Variants in PTPRT observed in about 807,000 individuals in gnomAD.
PTPRT encodes protein tyrosine phosphatase receptor type T.
In PTPRT, 56 loss-of-function variants were observed where a neutral mutation model predicts 176.8. The ratio of observed to expected loss-of-function variants is 0.32; its 90% confidence interval spans 0.26 to 0.40. PTPRT has a LOEUF of 0.40. Among genes scored for constraint, PTPRT ranks in the 10% least tolerant of loss-of-function variants. The probability of loss-of-function intolerance (pLI) is 1.00; values close to 1 mark genes in which losing one functional copy is unlikely to be tolerated. For missense variants in PTPRT, 1,540 were observed against 1,908.2 expected (o/e 0.81, Z 3.60); for synonymous variants, 783 against 739.0 (o/e 1.06, Z -0.96).
At chr20:42,796,933 A>G (rs1446474210) in intron 2 of PTPRT, among the ~76,000 whole-genome samples, 2 of 152,172 alleles carry the variant, frequency 1.3e-5, no homozygotes, top group South Asian at 2.1e-4. Flanking sequence ...TGGTTATAAA[A>G]CACATCTCAT....
chr20:42,141,852 A>G, intron 18 of PTPRT, 63 bp downstream of exon 18: 3 of 1,402,114 alleles, frequency 2.1e-6, no homozygotes, highest in Non-Finnish European at 3.0e-6. Context: ...AATAATAGTA[A>G]TAGCCTCTTT....
At chr20:43,163,585 C>T (rs2014768392) in intron 1 of PTPRT, among the ~76,000 whole-genome samples, 1 of 151,956 alleles carries the variant, frequency 6.6e-6, no homozygotes, top group South Asian at 2.1e-4. Context: ...TTGCAGTGAG[C>T]CGAGATCATG....
chr20:42,751,088 GGATCACAC>G (rs1430278643), intron 6 of PTPRT, among the ~76,000 whole-genome samples: 1 of 152,238 alleles, frequency 6.6e-6, no homozygotes, highest in East Asian at 1.9e-4. Flanking sequence ...TACCATCTCA[GGATCACAC>G]GTGAGCTGTG....
At chr20:42,939,719 GA>G (rs896242493) in intron 1 of PTPRT, among the ~76,000 whole-genome samples, 48 of 151,694 alleles carry the variant, frequency 3.2e-4, no homozygotes, top group Admixed American at 3.3e-4. Flanking sequence ...ATTTTAGTAA[GA>G]AAAAAAGACA....
chr20:42,255,516 G>T (rs1439619589), intron 13 of PTPRT, among the ~76,000 whole-genome samples: 2 of 152,118 alleles, frequency 1.3e-5, no homozygotes, highest in Admixed American at 1.3e-4. Context: ...AAGTTCATCC[G>T]ATCCTCAGGA....
intron 15 of PTPRT, among the ~76,000 whole-genome samples, chr20:42,217,581 C>T (rs1372458932): frequency 6.6e-6 from 1 of 152,144 alleles, no homozygotes; most frequent in Non-Finnish European, 1.5e-5. Context: ...ACTGGAAACA[C>T]AGCTTCCTCT....
chr20:42,918,807 C>T (rs532021418), intron 1 of PTPRT, among the ~76,000 whole-genome samples: 30 of 152,162 alleles, frequency 2.0e-4, no homozygotes, highest in Admixed American at 1.8e-3. Flanking sequence ...GTACTAGCTT[C>T]GAGTTTTGTG....
intron 13 of PTPRT, among the ~76,000 whole-genome samples, chr20:42,254,420 C>G (rs1439553107): frequency 1.3e-5 from 2 of 152,196 alleles, no homozygotes; most frequent in Non-Finnish European, 2.9e-5. Context: ...GATTGAGGTA[C>G]ACATTGATTG....
chr20:42,681,507 GA>G (rs1372016987), intron 6 of PTPRT, among the ~76,000 whole-genome samples: 5 of 152,174 alleles, frequency 3.3e-5, no homozygotes, highest in African/African-American at 1.2e-4. Context: ...TATGAACAAA[GA>G]AAAATTCCTG....
chr20:42,297,420 A>ATCTC (rs2057403251), intron 12 of PTPRT, among the ~76,000 whole-genome samples: 1 of 152,222 alleles, frequency 6.6e-6, no homozygotes, highest in African/African-American at 2.4e-5. Context: ...GACATCCCTT[A>ATCTC]TCTCAGGTAA....
intron 1 of PTPRT, among the ~76,000 whole-genome samples, chr20:43,036,100 G>T (rs1986367110): frequency 6.6e-6 from 1 of 152,202 alleles, no homozygotes; most frequent in Non-Finnish European, 1.5e-5. Flanking sequence ...CTTCTTGAAT[G>T]CTTCCTTCAG....
intron 9 of PTPRT, among the ~76,000 whole-genome samples, chr20:42,424,421 G>GAGAACACC (rs2059145658): frequency 6.6e-6 from 1 of 152,182 alleles, no homozygotes; most frequent in Non-Finnish European, 1.5e-5. Flanking sequence ...GCCTTGGGCA[G>GAGAACACC]AGAACACCAG....
At chr20:42,688,209 A>G (rs1290224508) in intron 6 of PTPRT, 1 of 152,270 alleles carries the variant, frequency 6.6e-6, no homozygotes, top group African/African-American at 2.4e-5. Context: ...TCCTTGTAGC[A>G]TCATTCCAGC....
intron 6 of PTPRT, among the ~76,000 whole-genome samples, chr20:42,739,899 G>C (rs931915733): frequency 6.6e-6 from 1 of 152,112 alleles, no homozygotes; most frequent in African/African-American, 2.4e-5. Flanking sequence ...GTCCTATTTT[G>C]GTATGCCCAG....
intron 3 of PTPRT, 49 bp downstream of exon 3, chr20:42,791,146 T>G: frequency 6.5e-7 from 1 of 1,530,270 alleles, no homozygotes; most frequent in Non-Finnish European, 8.8e-7. Context: ...CAAAGGTGTA[T>G]AGATTTATTA....
At chr20:42,521,050 A>G (rs2072165981) in intron 7 of PTPRT, among the ~76,000 whole-genome samples, 1 of 151,746 alleles carries the variant, frequency 6.6e-6, no homozygotes, top group African/African-American at 2.4e-5. Context: ...CCACCCACCC[A>G]CCTACCTATA....
intron 7 of PTPRT, among the ~76,000 whole-genome samples, chr20:42,666,820 T>C: frequency 6.6e-6 from 1 of 152,246 alleles, no homozygotes; most frequent in East Asian, 1.9e-4. Context: ...TTATAATGGT[T>C]ATTACTGGCA....
At chr20:43,021,970 A>T (rs1225265416) in intron 1 of PTPRT, among the ~76,000 whole-genome samples, 1 of 152,114 alleles carries the variant, frequency 6.6e-6, no homozygotes, top group African/African-American at 2.4e-5. Flanking sequence ...AGCAGGGAAA[A>T]GGACAAAAGA....
intron 6 of PTPRT, among the ~76,000 whole-genome samples, chr20:42,681,103 A>G (rs2075595505): frequency 6.6e-6 from 1 of 152,240 alleles, no homozygotes; most frequent in African/African-American, 2.4e-5. Flanking sequence ...AAGAGAGAGA[A>G]GCAAAAATAT....
Sources: allele counts gnomAD v4.1 joint callset (sites outside exome capture counted in the v4.1 genomes callset), GRCh38; gene constraint gnomAD v4.1.1; transcripts MANE v1.5; gene names NCBI Gene and HGNC (gene_info 2026-07-23, HGNC 2026-07-21).